COBLL1: variants seen among roughly 807,000 people sequenced by gnomAD.
COBLL1 encodes cordon-bleu WH2 repeat protein like 1.
A neutral mutation model predicts 94.8 loss-of-function variants in COBLL1; 50 were observed. That is an observed-to-expected ratio of 0.53 (90% CI 0.42 to 0.67). The LOEUF (loss-of-function observed/expected upper bound fraction) is 0.67, where lower values mean the gene tolerates loss of function less well. Among genes scored for constraint, COBLL1 ranks in the 30% least tolerant of loss-of-function variants. The pLI is 0.00. For missense variants in COBLL1, 1,362 were observed against 1,348.7 expected (o/e 1.01, Z -0.15); for synonymous variants, 448 against 473.8 (o/e 0.95, Z 0.71).
At position 164,841,203 on chromosome 2, in the gene COBLL1, G is replaced by A. The variant is rs1032054156; in HGVS notation, c.-7C>T. ...GCGGGGTTCGGCCGTCCATCGCCCTGCGGGGCGCTGCGCGGGCTCCAGCTC... is the reference window on the plus strand; with the variant it reads ...GCGGGGTTCGGCCGTCCATCGCCCTACGGGGCGCTGCGCGGGCTCCAGCTC... On this transcript the variant is annotated 5_prime_UTR_variant, in exon 2 of 14. Coordinates refer to ENST00000652658, the MANE Select transcript of COBLL1 (RefSeq NM_001365672.2). The surrounding 1 kb of genome is among the most constrained non-coding windows in gnomAD (Gnocchi z 5.5). The A allele has an allele frequency of 1.7e-5, 21 of 1,232,052 alleles. No homozygotes were observed. The highest frequency in any genetic ancestry group is 2.1e-5 in the Non-Finnish European group (21 of 988,948). The allele number at this position is 1,232,052 out of a possible 1,614,324, so 76.3% of individuals were successfully genotyped here. A position where few individuals can be genotyped will look rare whatever the true frequency, so the allele number is the denominator to read the frequency against.
intron 2 of COBLL1, among the ~76,000 whole-genome samples, chr2:164,802,701 C>T (rs1210574266): frequency 6.6e-6 from 1 of 152,150 alleles, no homozygotes; most frequent in Non-Finnish European, 1.5e-5. Flanking sequence ...TATTTTAATA[C>T]TGAGAGTTTT....
chr2:164,754,451 C>T (rs2105595922), intron 2 of COBLL1, among the ~76,000 whole-genome samples: 1 of 152,324 alleles, frequency 6.6e-6, no homozygotes, highest in African/African-American at 2.4e-5. Context: ...GAGAATCCAG[C>T]TGCCCTATGG....
In COBLL1 at chr2:164,695,131, T is replaced by A. The variant is rs1683851120; in HGVS notation, c.2261A>T (p.Glu754Val). ...ISKDWQSETI[E>V]YKDDQDMHAL... ...ATGCATGTCCTGATCATCTTTATAC[T>A]CTATGGTTTCTGATTGCCAGTCTTT... The change falls in exon 12 of 14, where the codon GAG (glutamate) becomes GTG (valine). Residue 754 changes from glutamate to valine, a missense_variant. Coordinates refer to ENST00000652658, the MANE Select transcript of COBLL1 (RefSeq NM_001365672.2). 6.2e-7 allele frequency: 1 copy of A among 1,613,992 alleles called. No individual in the cohort carries two copies. Among genetic ancestry groups the A allele is most frequent in the Non-Finnish European group, 8.5e-7 (1 of 1,179,954 alleles).
At position 164,839,694 on chromosome 2, in the gene COBLL1, T is replaced by C. The variant is rs188052673; in HGVS notation, c.41+1462A>G. Among the ~76,000 whole-genome samples, 504 of 152,338 alleles carry C rather than the reference T, an allele frequency of 3.3e-3. 6 individuals are homozygous for C. The highest frequency in any genetic ancestry group is 3.9e-3 in the Admixed American group (59 of 15,296). On this transcript the variant is annotated intron_variant, in intron 2 of 13. Transcript: ENST00000652658. Reference sequence around the variant, plus strand: ...TCTCATTTTGCAATCCCTGAATACATTTCGGTATCCTGACAGCTGTCTCAT... The same window carrying C: ...TCTCATTTTGCAATCCCTGAATACACTTCGGTATCCTGACAGCTGTCTCAT...
intron 2 of COBLL1, among the ~76,000 whole-genome samples, chr2:164,759,920 C>A (rs183900527): frequency 2.0e-5 from 3 of 152,274 alleles, no homozygotes; most frequent in Admixed American, 6.5e-5. Flanking sequence ...AGTGGAGAAA[C>A]TGGCTCTCTC....
chr2:164,730,435 T>C (rs1430932957), intron 3 of COBLL1, among the ~76,000 whole-genome samples: 1 of 151,180 alleles, frequency 6.6e-6, no homozygotes, highest in East Asian at 1.9e-4. Flanking sequence ...GAAGTTGAGG[T>C]TGCAATGAGC....
chr2:164,689,969 T>C (rs1683506384), intron 13 of COBLL1, among the ~76,000 whole-genome samples: 1 of 152,198 alleles, frequency 6.6e-6, no homozygotes, highest in South Asian at 2.1e-4. Context: ...TCAAACTTTA[T>C]GCATATATAT....
chr2:164,805,336 T>TATATATTTATATATATATATATATATATA (rs1559033598), intron 2 of COBLL1, among the ~76,000 whole-genome samples: 1 of 60,336 alleles, frequency 1.7e-5, no homozygotes, highest in African/African-American at 6.4e-5. Flanking sequence ...TCTCTCTCTC[T>TATATATTTATATATATATATATATATATA]CTATATATAT....
At chr2:164,688,013 G>A (rs1010865719) in intron 13 of COBLL1, among the ~76,000 whole-genome samples, 4 of 151,958 alleles carry the variant, frequency 2.6e-5, no homozygotes, top group Non-Finnish European at 5.9e-5. Context: ...AATAAGCTAC[G>A]TCACATTCAT....
intron 2 of COBLL1, among the ~76,000 whole-genome samples, chr2:164,756,750 G>A (rs1687428889): frequency 6.6e-6 from 1 of 151,918 alleles, no homozygotes; most frequent in African/African-American, 2.4e-5. Context: ...GAAAGGCACA[G>A]GGTAATAAAA....
At chr2:164,692,431 G>T in intron 12 of COBLL1, 34 bp from the exon 13 acceptor site, 1 of 1,537,684 alleles carries the variant, frequency 6.5e-7, no homozygotes, top group Non-Finnish European at 8.8e-7. Context: ...TTATATGAAT[G>T]CCAAGAAAAG....
intron 4 of COBLL1, among the ~76,000 whole-genome samples, chr2:164,728,977 A>C (rs1258474094): frequency 1.3e-5 from 2 of 152,034 alleles, no homozygotes; most frequent in Non-Finnish European, 2.9e-5. Flanking sequence ...TTTATTCACA[A>C]AACTAAGACC....
intron 2 of COBLL1, among the ~76,000 whole-genome samples, chr2:164,806,709 T>C (rs1684173380): frequency 6.6e-6 from 1 of 152,160 alleles, no homozygotes; most frequent in South Asian, 2.1e-4. Context: ...TTTATTTTTC[T>C]TTTCTTTTGA....
intron 2 of COBLL1, among the ~76,000 whole-genome samples, chr2:164,803,519 C>T (rs530410985): frequency 8.6e-5 from 13 of 151,274 alleles, no homozygotes; most frequent in African/African-American, 3.2e-4. Context: ...GAGCCGAGAT[C>T]CCGCCACTGC....
intron 2 of COBLL1, among the ~76,000 whole-genome samples, chr2:164,760,339 G>C: frequency 6.6e-6 from 1 of 152,062 alleles, no homozygotes; most frequent in East Asian, 1.9e-4. Flanking sequence ...AGTCTCAAAG[G>C]GACAAACTTC....
chr2:164,724,181 A>G (rs1254479825), intron 5 of COBLL1: 1 of 152,216 alleles, frequency 6.6e-6, no homozygotes, highest in Non-Finnish European at 1.5e-5. Flanking sequence ...TATTGACTGC[A>G]ATAGACTTTC....
chr2:164,765,270 C>A (rs1687874912), intron 2 of COBLL1, among the ~76,000 whole-genome samples: 1 of 151,960 alleles, frequency 6.6e-6, no homozygotes, highest in Non-Finnish European at 1.5e-5. Context: ...TGACTCTAAC[C>A]AAAAAATTAA....
chr2:164,701,630 A>G (rs1274357863), intron 9 of COBLL1, among the ~76,000 whole-genome samples: 2 of 151,888 alleles, frequency 1.3e-5, no homozygotes, highest in Non-Finnish European at 2.9e-5. Flanking sequence ...ATATGTTTAC[A>G]CATAAATATT....
rs151298447 is a variant in COBLL1 at position 164,765,818 on chromosome 2, C to T, written c.42-21943G>A. 6.5e-4 allele frequency among the ~76,000 whole-genome samples: 99 copies of T among 152,206 alleles called. 2 individuals carry two copies. The East Asian group carries it at 0.018, about 28-fold the overall frequency. On this transcript the variant is annotated intron_variant, in intron 2 of 13. Transcript: ENST00000652658. ...GAATATTGACCTCCTAAATGAAGGT[C>T]GCTTTTGCCTTTTCATCTGTAAAAT...
Sources: gnomAD v4.1 joint callset for allele counts (sites outside exome capture counted in the v4.1 genomes callset) on GRCh38, gnomAD v4.1.1 for gene constraint, Gnocchi (gnomAD v3.1) non-coding constraint, MANE v1.5 for transcripts, NCBI Gene and HGNC (gene_info 2026-07-23, HGNC 2026-07-21) for gene names.